Variants in NXPE2 observed in about 807,000 individuals in gnomAD.
NXPE2 encodes the protein neurexophilin and PC-esterase domain family member 2, also known as NXPE family member 2.
In NXPE2, 34 loss-of-function variants were observed where a neutral mutation model predicts 34.4. The ratio of observed to expected loss-of-function variants is 0.99; its 90% confidence interval spans 0.75 to 1.31. The LOEUF is 1.31. Among genes scored for constraint, NXPE2 ranks in the 40% most tolerant of loss-of-function variants. The probability of loss-of-function intolerance (pLI) is 0.00; values close to 1 mark genes in which losing one functional copy is unlikely to be tolerated. For missense variants in NXPE2, 649 were observed against 672.5 expected, an observed-to-expected ratio of 0.97 and a Z score of 0.39; for synonymous variants, 235 against 231.3, an observed-to-expected ratio of 1.02 and a Z score of -0.15.
chr11:114,702,134 A>G (rs1266446863), intron 3 of NXPE2, among the ~76,000 whole-genome samples: 4 of 152,232 alleles, frequency 2.6e-5, no homozygotes, highest in Admixed American at 1.3e-4. Flanking sequence ...TGATAAAAAC[A>G]TAAATGAGGA....
the NXPE2 span, among the ~76,000 whole-genome samples, chr11:114,469,491 T>C: frequency 6.6e-6 from 1 of 151,900 alleles, no homozygotes; most frequent in Non-Finnish European, 1.5e-5. Flanking sequence ...AAGTATAAAA[T>C]TTCATACTTT....
chr11:114,474,884 A>G, the NXPE2 span, among the ~76,000 whole-genome samples: 2 of 152,200 alleles, frequency 1.3e-5, no homozygotes, highest in Non-Finnish European at 2.9e-5. Flanking sequence ...GCAATCTTCA[A>G]AATCAATGGG....
At chr11:114,601,997 A>G in the NXPE2 span, among the ~76,000 whole-genome samples, 2 of 84,166 alleles carry the variant, frequency 2.4e-5, no homozygotes, top group Non-Finnish European at 4.1e-5. Context: ...TATATAATGT[A>G]TCTAATGTAT....
chr11:114,749,082 A>G, the NXPE2 span, among the ~76,000 whole-genome samples: 1 of 152,166 alleles, frequency 6.6e-6, no homozygotes, highest in East Asian at 1.9e-4. Flanking sequence ...TTGTTGCCTC[A>G]GCACTGGAAT....
chr11:114,563,386 C>T, the NXPE2 span, among the ~76,000 whole-genome samples: 2 of 152,104 alleles, frequency 1.3e-5, no homozygotes, highest in African/African-American at 4.8e-5. Flanking sequence ...TATTTACTTC[C>T]AGTCATTTAT....
chr11:114,704,945 AGATAGTACCAGACTGTAATT>A (rs1951443967), intron 4 of NXPE2, among the ~76,000 whole-genome samples: 1 of 152,204 alleles, frequency 6.6e-6, no homozygotes, highest in East Asian at 1.9e-4. Flanking sequence ...GTTTCTTGGA[AGATAGTACCAGACTGTAATT>A]TTTGGAGCCA....
the NXPE2 span, chr11:114,522,053 G>T: frequency 1.2e-6 from 2 of 1,613,632 alleles, no homozygotes; most frequent in African/African-American, 1.3e-5. Context: ...ATATGCAATG[G>T]TCATGTCCCA....
At chr11:114,656,419 GA>G in the NXPE2 span, among the ~76,000 whole-genome samples, 1 of 152,160 alleles carries the variant, frequency 6.6e-6, no homozygotes, top group South Asian at 2.1e-4. Context: ...CACAGAATTA[GA>G]AAAAACTATT....
chr11:114,598,076 G>C, the NXPE2 span, among the ~76,000 whole-genome samples: 2 of 151,968 alleles, frequency 1.3e-5, no homozygotes, highest in African/African-American at 4.8e-5. Context: ...ATAGGCATTG[G>C]GTAAATGTAA....
chr11:114,767,401 A>G, the NXPE2 span, among the ~76,000 whole-genome samples: 4 of 152,268 alleles, frequency 2.6e-5, no homozygotes, highest in Non-Finnish European at 4.4e-5. Context: ...TGTTTTTGTT[A>G]AATTGATTCA....
the NXPE2 span, among the ~76,000 whole-genome samples, chr11:114,736,045 G>C: frequency 6.6e-6 from 1 of 152,162 alleles, no homozygotes; most frequent in African/African-American, 2.4e-5. Context: ...GGGAGGGAGT[G>C]TATGAATAGG....
chr11:114,546,522 G>A, the NXPE2 span, among the ~76,000 whole-genome samples: 3 of 148,452 alleles, frequency 2.0e-5, no homozygotes, highest in Non-Finnish European at 3.0e-5. Context: ...GACTGGTCCC[G>A]AATTCCTGGC....
chr11:114,553,687 C>T, the NXPE2 span: 1 of 983,020 alleles, frequency 1.0e-6, no homozygotes, highest in African/African-American at 1.7e-5. Flanking sequence ...CAATGTCTCA[C>T]CTAGATTCTA....
the NXPE2 span, among the ~76,000 whole-genome samples, chr11:114,574,409 A>G: frequency 6.6e-6 from 1 of 152,090 alleles, no homozygotes; most frequent in Non-Finnish European, 1.5e-5. Context: ...AATAAATGAA[A>G]CAAAAAGCTG....
At chr11:114,797,661 A>C in the NXPE2 span, among the ~76,000 whole-genome samples, 1 of 152,208 alleles carries the variant, frequency 6.6e-6, no homozygotes, top group African/African-American at 2.4e-5. Flanking sequence ...TGCTCTTGAG[A>C]TGAAATCTAT....
chr11:114,711,532 G>T (rs1859612001), downstream of NXPE2, among the ~76,000 whole-genome samples: 1 of 151,872 alleles, frequency 6.6e-6, no homozygotes, highest in Admixed American at 6.6e-5. Flanking sequence ...GCACCAAAAA[G>T]GATAAAATAG....
At chr11:114,483,791 A>C in the NXPE2 span, among the ~76,000 whole-genome samples, 2 of 152,136 alleles carry the variant, frequency 1.3e-5, no homozygotes, top group African/African-American at 4.8e-5. Context: ...CCCTGTGATC[A>C]CACTCCCTTC....
the NXPE2 span, among the ~76,000 whole-genome samples, chr11:114,791,158 T>C: frequency 1.2e-4 from 18 of 151,530 alleles, 1 homozygote; most frequent in South Asian, 3.8e-3. Context: ...CTCACCAAAG[T>C]TGACAACAGA....
the NXPE2 span, among the ~76,000 whole-genome samples, chr11:114,557,634 CAT>C: frequency 0.033 from 4,265 of 127,588 alleles, 61 homozygotes; most frequent in Non-Finnish European, 0.039. Flanking sequence ...ATATATAATA[CAT>C]ATATATATAT....
Sources: gnomAD v4.1 joint callset for allele counts (sites outside exome capture counted in the v4.1 genomes callset) on GRCh38, gnomAD v4.1.1 for gene constraint, MANE v1.5 for transcripts, NCBI Gene and HGNC (gene_info 2026-07-23, HGNC 2026-07-21) for gene names.